NPR3: variants seen among roughly 807,000 people sequenced by gnomAD.
NPR3 encodes natriuretic peptide receptor 3.
A neutral mutation model predicts 54.5 loss-of-function variants in NPR3; 34 were observed. The observed-to-expected ratio is 0.62, with a 90% CI of 0.47 to 0.83. The LOEUF (loss-of-function observed/expected upper bound fraction) is 0.83, where lower values mean the gene tolerates loss of function less well. Among genes scored for constraint, NPR3 ranks in the 40% least tolerant of loss-of-function variants. The pLI is 0.00. For synonymous variants in NPR3, 289 were observed against 297.1 expected (o/e 0.97, Z 0.28); for missense variants, 674 against 720.8 (o/e 0.94, Z 0.74).
intron 2 of NPR3, among the ~76,000 whole-genome samples, chr5:32,737,485 C>T (rs1178191114): frequency 6.6e-6 from 1 of 152,120 alleles, no homozygotes; most frequent in Non-Finnish European, 1.5e-5. Flanking sequence ...GCCGTATATC[C>T]CAGAGACATT....
intron 2 of NPR3, 105 bp downstream of exon 2, chr5:32,724,925 AT>A: frequency 8.3e-7 from 1 of 1,200,628 alleles, no homozygotes; most frequent in South Asian, 1.4e-5. Context: ...CATAAACACC[AT>A]GGAATACTAT....
intron 4 of NPR3, among the ~76,000 whole-genome samples, chr5:32,779,280 A>G (rs949093242): frequency 6.6e-6 from 1 of 152,214 alleles, no homozygotes; most frequent in African/African-American, 2.4e-5. Flanking sequence ...TAAGAATTAC[A>G]CTGAACTCTC....
At position 32,762,990 on chromosome 5, in the gene NPR3, TC is replaced by T. The variant is rs371120567; in HGVS notation, c.1060-11717del. Among the ~76,000 whole-genome samples the T allele has an allele frequency of 4.6e-3, 704 of 152,342 alleles. 4 individuals carry two copies. Among genetic ancestry groups the T allele is most frequent in the African/African-American group, 0.016 (685 of 41,572 alleles). On this transcript the variant is annotated intron_variant, in intron 3 of 7. Transcript: ENST00000265074. ...GTCTTACATTTAAGTCTTTAATCCATCTTGAGTTAATTTTTGTATAAGGTAT... is the reference window on the plus strand; with the variant it reads ...GTCTTACATTTAAGTCTTTAATCCATTTGAGTTAATTTTTGTATAAGGTAT...
rs768206555 is a variant in NPR3 at position 32,712,040 on chromosome 5, T to C, written c.264T>C (p.Thr88=). Residue 88 remains threonine (T), a synonymous_variant, in exon 1 of 8, where the codon ACT becomes ACC. Coordinates refer to ENST00000265074, the MANE Select transcript of NPR3 (RefSeq NM_001204375.2). ...TGCGCAGCGTGGAGGGCAACGGGAC[T>C]GGGAGGCGGCTTCTGCCGCCGGGCA... ...YALRSVEGNG[T]GRRLLPPGTR... is the part of the protein sequence containing the mutation. The C allele has an allele frequency of 2.5e-6, 4 of 1,613,794 alleles. No homozygotes were observed.
chr5:32,704,641 A>C (rs1198933891), upstream of NPR3, among the ~76,000 whole-genome samples: 3 of 152,188 alleles, frequency 2.0e-5, no homozygotes, highest in African/African-American at 7.2e-5. Flanking sequence ...TTTTCCTGCA[A>C]ATGGAAATAC....
At chr5:32,761,857 T>C (rs565389847) in intron 3 of NPR3, among the ~76,000 whole-genome samples, 18 of 152,132 alleles carry the variant, frequency 1.2e-4, no homozygotes, top group Non-Finnish European at 1.9e-4. Flanking sequence ...GTTTGTTACA[T>C]AGGTATACAC....
chr5:32,762,944 C>A (rs551814897), intron 3 of NPR3, among the ~76,000 whole-genome samples: 5 of 152,108 alleles, frequency 3.3e-5, no homozygotes, highest in Admixed American at 1.3e-4. Context: ...AGGTTTTCTT[C>A]TAGGGTTTTT....
upstream of NPR3, among the ~76,000 whole-genome samples, chr5:32,707,589 G>T (rs1422033933): frequency 6.6e-6 from 1 of 152,138 alleles, no homozygotes; most frequent in Non-Finnish European, 1.5e-5. Context: ...CTCTAGGGGG[G>T]AGTGTGTTTT....
chr5:32,699,357 T>A (rs1398774948), intron 1 of NPR3, among the ~76,000 whole-genome samples: 1 of 152,200 alleles, frequency 6.6e-6, no homozygotes, highest in South Asian at 2.1e-4. Context: ...GTTACATAGG[T>A]ATACGTGTGT....
chr5:32,694,164 G>C (rs1444649193), intron 1 of NPR3, among the ~76,000 whole-genome samples: 5 of 152,172 alleles, frequency 3.3e-5, no homozygotes, highest in African/African-American at 9.7e-5. Flanking sequence ...TTGAACAAGT[G>C]CTGGTCTCAA....
At chr5:32,703,461 C>T (rs1004760422) in intron 1 of NPR3, among the ~76,000 whole-genome samples, 8 of 151,952 alleles carry the variant, frequency 5.3e-5, no homozygotes, top group African/African-American at 1.7e-4. Context: ...TGTGCTGGGC[C>T]ACACCTAAAG....
At chr5:32,710,896 G>GTA (rs1738185061), upstream of NPR3, 2 of 451,496 alleles carry the variant, frequency 4.4e-6, no homozygotes, top group East Asian at 1.8e-4. Context: ...GTGTGTATAT[G>GTA]TGTGTGTGTG....
intron 3 of NPR3, among the ~76,000 whole-genome samples, chr5:32,765,715 C>T (rs893347472): frequency 1.1e-4 from 16 of 152,102 alleles, no homozygotes; most frequent in East Asian, 7.7e-4. Flanking sequence ...GGTTCAGAGA[C>T]GACTTCAGTG....
At chr5:32,781,198 C>T (rs1379982543) in intron 5 of NPR3, among the ~76,000 whole-genome samples, 1 of 152,096 alleles carries the variant, frequency 6.6e-6, no homozygotes, top group Non-Finnish European at 1.5e-5. Flanking sequence ...TTCAGGATAA[C>T]ATCATGAAGG....
At chr5:32,727,021 A>G (rs938035018) in intron 2 of NPR3, among the ~76,000 whole-genome samples, 6 of 152,238 alleles carry the variant, frequency 3.9e-5, no homozygotes, top group African/African-American at 1.4e-4. Context: ...TGTTGAGTGT[A>G]CATACGCACA....
chr5:32,782,463 A>T (rs958346143), intron 5 of NPR3, among the ~76,000 whole-genome samples: 1 of 152,152 alleles, frequency 6.6e-6, no homozygotes. Context: ...AAAAGCCGGG[A>T]ATTCCGAGAT....
rs73758304 is a variant in NPR3, at chr5:32,731,726, T to C, written c.892+6906T>C. On this transcript the variant is annotated intron_variant, in intron 2 of 7. Coordinates refer to ENST00000265074, the MANE Select transcript of NPR3 (RefSeq NM_001204375.2). ...CATTCTGTTATCAGGTTAGCCAATG[T>C]TAATATAATATATCCCAAGGACCTC... is the stretch of plus-strand genomic sequence containing the variant. Among the ~76,000 whole-genome samples the C allele has an allele frequency of 3.3e-3, 507 of 152,318 alleles. 5 individuals carry two copies. Among genetic ancestry groups the C allele is most frequent in the African/African-American group, 0.012 (489 of 41,548 alleles).
At chr5:32,730,738 TA>T (rs1484517989) in intron 2 of NPR3, among the ~76,000 whole-genome samples, 1 of 152,084 alleles carries the variant, frequency 6.6e-6, no homozygotes, top group Admixed American at 6.6e-5. Context: ...AAGAAATACT[TA>T]AAAAATGTAA....
At chr5:32,753,624 CTTTTT>C (rs70961660) in intron 3 of NPR3, among the ~76,000 whole-genome samples, 12,314 of 102,510 alleles carry the variant, frequency 0.12, 712 homozygotes, top group African/African-American at 0.17. Context: ...TCTCAGCATC[CTTTTT>C]TTTTTTTTTT....
Sources: allele counts gnomAD v4.1 joint callset (sites outside exome capture counted in the v4.1 genomes callset), GRCh38; gene constraint gnomAD v4.1.1; transcripts MANE v1.5; gene names NCBI Gene and HGNC (gene_info 2026-07-23, HGNC 2026-07-21).